Variants in CDH18 observed in about 807,000 individuals in gnomAD.
CDH18 encodes the protein cadherin-18.
In CDH18, 31 loss-of-function variants were observed where a neutral mutation model predicts 67.9. That is an observed-to-expected ratio of 0.46 (90% confidence interval 0.34 to 0.62). CDH18 has a LOEUF of 0.62. CDH18 is among the 20% of genes least tolerant of loss of function. The probability of loss-of-function intolerance (pLI) is 0.01; values close to 1 mark genes in which losing one functional copy is unlikely to be tolerated. For synonymous variants in CDH18, 362 were observed against 347.2 expected (o/e 1.04, Z -0.48); for missense variants, 890 against 975.5 (o/e 0.91, Z 1.17).
At chr5:19,650,774 G>A (rs1274736473) in intron 5 of CDH18, among the ~76,000 whole-genome samples, 1 of 151,878 alleles carries the variant, frequency 6.6e-6, no homozygotes, top group African/African-American at 2.4e-5. Flanking sequence ...GCCTTATATG[G>A]GAGTAATCAC....
intron 2 of CDH18, among the ~76,000 whole-genome samples, chr5:19,948,438 G>A (rs745465807): frequency 3.9e-5 from 6 of 152,082 alleles, no homozygotes; most frequent in Non-Finnish European, 5.9e-5. Context: ...GTTGATACAC[G>A]CAACGACTTG....
chr5:20,246,305 T>A (rs184650108), intron 2 of CDH18, among the ~76,000 whole-genome samples: 1 of 152,192 alleles, frequency 6.6e-6, no homozygotes, highest in African/African-American at 2.4e-5. Context: ...TTTTTGTATA[T>A]CAATGATGGC....
At chr5:19,690,938 T>C (rs1237650657) in intron 5 of CDH18, among the ~76,000 whole-genome samples, 2 of 151,824 alleles carry the variant, frequency 1.3e-5, no homozygotes, top group Non-Finnish European at 3.0e-5. Context: ...GCCAGCATTA[T>C]TCTGATATCA....
At chr5:20,019,374 A>G (rs1053957545) in intron 2 of CDH18, among the ~76,000 whole-genome samples, 1 of 152,182 alleles carries the variant, frequency 6.6e-6, no homozygotes, top group East Asian at 1.9e-4. Context: ...ATAAAATAGC[A>G]TATTGATATG....
At chr5:19,736,429 A>G (rs1453752714) in intron 4 of CDH18, among the ~76,000 whole-genome samples, 1 of 152,212 alleles carries the variant, frequency 6.6e-6, no homozygotes, top group Non-Finnish European at 1.5e-5. Flanking sequence ...ATGACACAGA[A>G]GAATCACTAC....
chr5:19,808,832 CAAAAAAAAAAAAAA>C (rs1173922790), intron 3 of CDH18, among the ~76,000 whole-genome samples: 1 of 53,936 alleles, frequency 1.9e-5, no homozygotes, highest in Admixed American at 2.7e-4. Flanking sequence ...AACTCTGTCT[CAAAAAAAAAAAAAA>C]AAAAAAAAAG....
intron 5 of CDH18, among the ~76,000 whole-genome samples, chr5:19,671,425 C>A (rs189854206): frequency 6.6e-6 from 1 of 152,038 alleles, no homozygotes; most frequent in African/African-American, 2.4e-5. Flanking sequence ...TTAAAAGATG[C>A]TTTTTCATTT....
intron 3 of CDH18, among the ~76,000 whole-genome samples, chr5:19,830,275 T>G (rs1780870976): frequency 1.3e-5 from 2 of 152,136 alleles, no homozygotes; most frequent in Non-Finnish European, 2.9e-5. Flanking sequence ...GGAGAAAATA[T>G]TTAGAAACTA....
At chr5:20,430,792 A>G (rs1748676843) in intron 1 of CDH18, among the ~76,000 whole-genome samples, 1 of 152,182 alleles carries the variant, frequency 6.6e-6, no homozygotes, top group Non-Finnish European at 1.5e-5. Flanking sequence ...GGCCATGTGA[A>G]GTATTTAATT....
At chr5:20,447,347 T>G (rs1033450366) in intron 1 of CDH18, among the ~76,000 whole-genome samples, 1 of 151,974 alleles carries the variant, frequency 6.6e-6, no homozygotes, top group Non-Finnish European at 1.5e-5. Context: ...CCATGAGGAC[T>G]TCTCCCTCAT....
chr5:20,138,545 T>A (rs1320565483), intron 2 of CDH18, among the ~76,000 whole-genome samples: 1 of 152,128 alleles, frequency 6.6e-6, no homozygotes, highest in Non-Finnish European at 1.5e-5. Context: ...GCAGAAGACA[T>A]GATTATATTT....
chr5:19,542,347 C>T (rs768681173), intron 9 of CDH18, among the ~76,000 whole-genome samples: 1 of 152,188 alleles, frequency 6.6e-6, no homozygotes, highest in Non-Finnish European at 1.5e-5. Flanking sequence ...AGTGCATCCA[C>T]ATTGGAAAAC....
At chr5:19,704,985 C>T (rs951512827) in intron 5 of CDH18, among the ~76,000 whole-genome samples, 27 of 152,244 alleles carry the variant, frequency 1.8e-4, no homozygotes, top group Middle Eastern at 3.4e-3. Context: ...GGACTGTGAA[C>T]GGTTTGCATT....
intron 12 of CDH18, among the ~76,000 whole-genome samples, chr5:19,477,922 A>T (rs1403534543): frequency 6.6e-6 from 1 of 152,110 alleles, no homozygotes; most frequent in Non-Finnish European, 1.5e-5. Flanking sequence ...AATTTTTTAC[A>T]TGTCTTTAGT....
At chr5:19,609,048 C>T (rs1403442185) in intron 6 of CDH18, among the ~76,000 whole-genome samples, 1 of 151,822 alleles carries the variant, frequency 6.6e-6, no homozygotes, top group Non-Finnish European at 1.5e-5. Flanking sequence ...ACTTTTTAAC[C>T]TATCCAAGAA....
At chr5:19,857,144 C>G (rs1241969764) in intron 2 of CDH18, among the ~76,000 whole-genome samples, 1 of 152,004 alleles carries the variant, frequency 6.6e-6, no homozygotes, top group Admixed American at 6.6e-5. Flanking sequence ...GCAGGAGGAT[C>G]ACTTGAGCCC....
At chr5:20,315,052 A>T (rs1355855892) in intron 1 of CDH18, among the ~76,000 whole-genome samples, 3 of 152,094 alleles carry the variant, frequency 2.0e-5, no homozygotes, top group Non-Finnish European at 2.9e-5. Context: ...GTTGCAAAAA[A>T]TATCACTGCG....
intron 3 of CDH18, among the ~76,000 whole-genome samples, chr5:19,748,440 A>C (rs572817671): frequency 3.7e-4 from 56 of 152,262 alleles, no homozygotes; most frequent in African/African-American, 1.3e-3. Flanking sequence ...ATAACACCAA[A>C]ATTCACTTAA....
At chr5:20,502,897 A>G (rs1388409054) in intron 1 of CDH18, among the ~76,000 whole-genome samples, 1 of 152,166 alleles carries the variant, frequency 6.6e-6, no homozygotes, top group Non-Finnish European at 1.5e-5. Context: ...AAATGTCAGA[A>G]AGGAGCTTAA....
Sources: allele counts gnomAD v4.1 joint callset (sites outside exome capture counted in the v4.1 genomes callset), GRCh38; gene constraint gnomAD v4.1.1; transcripts MANE v1.5; gene names NCBI Gene and HGNC (gene_info 2026-07-23, HGNC 2026-07-21).